The following ARID1B variants were observed in gnomAD, a reference collection of about 807,000 sequenced individuals.
The protein encoded by ARID1B is AT-rich interaction domain 1B.
A neutral mutation model predicts 212.3 loss-of-function variants in ARID1B; 30 were observed. The ratio of observed to expected loss-of-function variants is 0.14; its 90% CI spans 0.11 to 0.19. The LOEUF (loss-of-function observed/expected upper bound fraction) is 0.19. Among genes scored for constraint, ARID1B ranks in the 10% least tolerant of loss-of-function variants. The pLI is 1.00. For synonymous variants in ARID1B, 1,402 were observed against 1,301.7 expected (o/e 1.08, Z -1.66); for missense variants, 2,891 against 3,204.0 (o/e 0.90, Z 2.36).
intron 4 of ARID1B, among the ~76,000 whole-genome samples, chr6:156,998,143 A>G (rs17087994): frequency 0.01 from 1,535 of 151,582 alleles, 15 homozygotes; most frequent in East Asian, 0.068. Context: ...TGTTCGTGAT[A>G]TGACAGTAGA....
intron 2 of ARID1B, among the ~76,000 whole-genome samples, chr6:156,897,218 G>GCTGCTGCTGCTGCTGCTGCTTCTT (rs1554264583): frequency 1.1e-5 from 1 of 91,378 alleles, no homozygotes; most frequent in Admixed American, 1.1e-4. Flanking sequence ...TGCTGCTGCT[G>GCTGCTGCTGCTGCTGCTGCTTCTT]CTTCTTCTTC....
chr6:157,069,024 A>G (rs1783852430), intron 4 of ARID1B, among the ~76,000 whole-genome samples: 1 of 152,212 alleles, frequency 6.6e-6, no homozygotes, highest in African/African-American at 2.4e-5. Flanking sequence ...CCAGGCAGTC[A>G]TAAGGGTTTC....
At chr6:156,960,077 C>T (rs930490081) in intron 4 of ARID1B, among the ~76,000 whole-genome samples, 11 of 151,926 alleles carry the variant, frequency 7.2e-5, no homozygotes, top group African/African-American at 1.9e-4. Context: ...ATTACAGGCA[C>T]GCACCACCAT....
chr6:156,844,858 G>A (rs1784124629), intron 2 of ARID1B, among the ~76,000 whole-genome samples: 1 of 152,198 alleles, frequency 6.6e-6, no homozygotes, highest in Non-Finnish European at 1.5e-5. Context: ...CTGTTATCCA[G>A]GAGTTGATAA....
chr6:156,933,733 G>A (rs1475205435), intron 3 of ARID1B, among the ~76,000 whole-genome samples: 4 of 152,166 alleles, frequency 2.6e-5, no homozygotes, highest in Admixed American at 2.6e-4. Flanking sequence ...TACTAGTAGA[G>A]GTTAAATATC....
chr6:156,963,017 G>C (rs1274796694), intron 4 of ARID1B, among the ~76,000 whole-genome samples: 1 of 151,774 alleles, frequency 6.6e-6, no homozygotes, highest in South Asian at 2.1e-4. Flanking sequence ...TCCTGACCTC[G>C]TGATCCACCC....
intron 2 of ARID1B, among the ~76,000 whole-genome samples, chr6:156,856,723 C>T (rs1784973860): frequency 6.6e-6 from 1 of 150,746 alleles, no homozygotes; most frequent in Non-Finnish European, 1.5e-5. Context: ...CACACACACA[C>T]ACACACACAC....
At chr6:156,913,186 C>T (rs1480016740) in intron 3 of ARID1B, among the ~76,000 whole-genome samples, 3 of 150,582 alleles carry the variant, frequency 2.0e-5, no homozygotes, top group East Asian at 1.9e-4. Flanking sequence ...GTGGTAGGAA[C>T]GCTTTACATC....
At chr6:157,036,750 A>G (rs902670543) in intron 4 of ARID1B, 1 of 477,120 alleles carries the variant, frequency 2.1e-6, no homozygotes, top group African/African-American at 2.0e-5. Flanking sequence ...TCTCAATTCT[A>G]GGCCATGCCT....
intron 4 of ARID1B, among the ~76,000 whole-genome samples, chr6:157,070,540 A>C (rs1033953176): frequency 5.3e-5 from 8 of 152,234 alleles, no homozygotes; most frequent in African/African-American, 1.9e-4. Flanking sequence ...TTAGGAGCTC[A>C]GCATCGTTTC....
intron 4 of ARID1B, among the ~76,000 whole-genome samples, chr6:157,052,598 G>C (rs1350648589): frequency 6.6e-6 from 1 of 152,210 alleles, no homozygotes; most frequent in African/African-American, 2.4e-5. Flanking sequence ...AGAATATCTT[G>C]TAAAGCAAAA....
At chr6:157,124,438 A>G (rs772235433) in intron 6 of ARID1B, among the ~76,000 whole-genome samples, 1 of 152,216 alleles carries the variant, frequency 6.6e-6, no homozygotes, top group Non-Finnish European at 1.5e-5. Flanking sequence ...TTTCATGCTT[A>G]TAAAAGTGAC....
intron 4 of ARID1B, among the ~76,000 whole-genome samples, chr6:156,972,507 G>A (rs1776997724): frequency 6.6e-6 from 1 of 152,162 alleles, no homozygotes; most frequent in Non-Finnish European, 1.5e-5. Flanking sequence ...CGTTGATGAA[G>A]GATTTTTCTT....
intron 4 of ARID1B, among the ~76,000 whole-genome samples, chr6:157,026,708 G>A (rs577924077): frequency 3.3e-5 from 5 of 152,070 alleles, no homozygotes; most frequent in South Asian, 2.1e-4. Flanking sequence ...AGATGGGGGG[G>A]TCTCACTATT....
At chr6:157,016,720 C>G (rs1221454799) in intron 4 of ARID1B, among the ~76,000 whole-genome samples, 1 of 152,080 alleles carries the variant, frequency 6.6e-6, no homozygotes, top group Admixed American at 6.5e-5. Context: ...TGCCCATGTG[C>G]GACCCAAACT....
intron 1 of ARID1B, among the ~76,000 whole-genome samples, chr6:156,810,658 T>C (rs546008897): frequency 9.2e-5 from 14 of 152,158 alleles, no homozygotes; most frequent in Non-Finnish European, 1.6e-4. Flanking sequence ...AAACTTGATA[T>C]AGAAGGTGAT....
chr6:156,902,821 A>C (rs1165382136), intron 3 of ARID1B, among the ~76,000 whole-genome samples: 1 of 151,778 alleles, frequency 6.6e-6, no homozygotes, highest in Non-Finnish European at 1.5e-5. Flanking sequence ...TTACCTGGTC[A>C]AGTCTTTTAT....
At chr6:156,871,700 G>A (rs766767948) in intron 2 of ARID1B, 9 of 1,593,824 alleles carry the variant, frequency 5.6e-6, no homozygotes, top group South Asian at 4.5e-5. Flanking sequence ...CTTTGGGACA[G>A]CATATGACAG....
At chr6:157,016,411 C>T (rs981045226) in intron 4 of ARID1B, among the ~76,000 whole-genome samples, 1 of 152,092 alleles carries the variant, frequency 6.6e-6, no homozygotes. Flanking sequence ...GTAAAAGATA[C>T]ACATCAGATT....
Sources: gnomAD v4.1 joint callset for allele counts (sites outside exome capture counted in the v4.1 genomes callset) on GRCh38, gnomAD v4.1.1 for gene constraint, MANE v1.5 for transcripts, NCBI Gene and HGNC (gene_info 2026-07-23, HGNC 2026-07-21) for gene names.